Variants in DPPA2 observed in about 807,000 individuals in gnomAD.
DPPA2 encodes the protein developmental pluripotency-associated protein 2.
DPPA2 carries 26 observed loss-of-function variants against 36.2 expected under a neutral mutation model. That is an observed-to-expected ratio of 0.72 (90% CI 0.53 to 1.00). The LOEUF is 1.00. Ranked by LOEUF, DPPA2 falls within the 50% of genes least tolerant of loss-of-function variation. The probability of loss-of-function intolerance (pLI) is 0.00; values close to 1 mark genes in which losing one functional copy is unlikely to be tolerated. For synonymous variants in DPPA2, 113 were observed against 123.2 expected, an observed-to-expected ratio of 0.92 and a Z score of 0.55; for missense variants, 361 against 365.1, an observed-to-expected ratio of 0.99 and a Z score of 0.09.
At chr3:109,309,770 C>A (rs978198968) in intron 3 of DPPA2, among the ~76,000 whole-genome samples, 1 of 148,960 alleles carries the variant, frequency 6.7e-6, no homozygotes, top group Non-Finnish European at 1.5e-5. Context: ...ATTTTTATTT[C>A]TCATATTAAA....
intron 7 of DPPA2, among the ~76,000 whole-genome samples, chr3:109,301,757 AAGAC>A (rs1188339527): frequency 1.3e-5 from 2 of 152,074 alleles, no homozygotes; most frequent in Non-Finnish European, 2.9e-5. Context: ...GAGAAAGAAA[AAGAC>A]AGAGAGAGAC....
chr3:109,315,255 A>G (rs918154370), intron 1 of DPPA2, among the ~76,000 whole-genome samples: 2 of 152,228 alleles, frequency 1.3e-5, no homozygotes, highest in Non-Finnish European at 2.9e-5. Context: ...CAGGTATTTT[A>G]TACCTGATTT....
At chr3:109,316,093 C>T (rs532882145) in intron 1 of DPPA2, among the ~76,000 whole-genome samples, 191 bp downstream of exon 1, 15 of 152,154 alleles carry the variant, frequency 9.9e-5, no homozygotes, top group African/African-American at 3.4e-4. Flanking sequence ...TAGACAGGCT[C>T]TGACGCCCAG....
At chr3:109,306,083 T>A (rs1400595340) in intron 6 of DPPA2, among the ~76,000 whole-genome samples, 1 of 152,164 alleles carries the variant, frequency 6.6e-6, no homozygotes, top group Non-Finnish European at 1.5e-5. Flanking sequence ...TACATATCTG[T>A]AAATAAGCAG....
chr3:109,299,699 A>G (rs570167164), intron 8 of DPPA2, among the ~76,000 whole-genome samples: 2 of 149,686 alleles, frequency 1.3e-5, no homozygotes, highest in South Asian at 4.2e-4. Flanking sequence ...AAAAAAAAAA[A>G]AGAAAAAGAA....
At chr3:109,297,030 T>C (rs1707364475) in intron 8 of DPPA2, among the ~76,000 whole-genome samples, 4 of 152,064 alleles carry the variant, frequency 2.6e-5, no homozygotes, top group Admixed American at 2.6e-4. Context: ...AAGGCTGCAG[T>C]GCGCCATGAT....
At chr3:109,295,785 T>C (rs1456437864) in intron 8 of DPPA2, among the ~76,000 whole-genome samples, 2 of 152,040 alleles carry the variant, frequency 1.3e-5, no homozygotes, top group Non-Finnish European at 2.9e-5. Flanking sequence ...TTGATTAATA[T>C]GCTAAGGGCT....
chr3:109,305,962 T>C (rs982124837), intron 6 of DPPA2, among the ~76,000 whole-genome samples: 5 of 152,112 alleles, frequency 3.3e-5, no homozygotes, highest in Non-Finnish European at 7.4e-5. Flanking sequence ...CAAGTGTCTG[T>C]TTAAAAGTGT....
intron 1 of DPPA2, among the ~76,000 whole-genome samples, 186 bp from the exon 2 acceptor site, chr3:109,314,741 C>T (rs1707761629): frequency 2.0e-5 from 3 of 152,116 alleles, no homozygotes; most frequent in South Asian, 4.1e-4. Context: ...ATTTTATACC[C>T]TGTCTTGTCC....
chr3:109,314,393 T>G, intron 2 of DPPA2, 117 bp downstream of exon 2: 11 of 1,056,460 alleles, frequency 1.0e-5, no homozygotes, highest in African/African-American at 3.2e-5. Flanking sequence ...GGTTTCAAGA[T>G]GGAGATTTCT....
Position 109,308,201 on chromosome 3 carries a change from A to G in DPPA2, c.489T>C (p.Tyr163=), listed in dbSNP as rs760041307. 10 of 1,614,056 alleles carry G rather than the reference A, an allele frequency of 6.2e-6. No homozygotes were observed. The African/African-American group carries it at 9.3e-5, about 15-fold the overall frequency. ...VTKRARLQRS[Y]EMNERAEETN... ...TCTCTTCTGCTCTCTCATTCATCTC[A>G]TAACTTCTCTGAAGCCTTGCTCTCT... Residue 163 remains tyrosine (Y), a synonymous_variant, in exon 6 of 9, where the codon TAT becomes TAC. Transcript: ENST00000478945.
chr3:109,305,947 A>T (rs1707555570), intron 6 of DPPA2, among the ~76,000 whole-genome samples: 1 of 152,148 alleles, frequency 6.6e-6, no homozygotes, highest in Non-Finnish European at 1.5e-5. Context: ...GCTACAGGAA[A>T]CAGACAAGTG....
At position 109,311,556 on chromosome 3, in the gene DPPA2, G is replaced by A. The variant is rs148092464; in HGVS notation, c.181+989C>T. ...GAAGTTTGAGACCAGCCTGGACAACGTGGCAAAACTCCATCTCTATTAAAA... is the reference window on the plus strand; with the variant it reads ...GAAGTTTGAGACCAGCCTGGACAACATGGCAAAACTCCATCTCTATTAAAA... On this transcript the variant is annotated intron_variant, in intron 3 of 8. Coordinates refer to ENST00000478945, the MANE Select transcript of DPPA2 (RefSeq NM_138815.4). Among the ~76,000 whole-genome samples the A allele has an allele frequency of 3.3e-3, 503 of 151,994 alleles. 3 individuals carry two copies. Among genetic ancestry groups the A allele is most frequent in the African/African-American group, 0.011 (459 of 41,454 alleles).
chr3:109,300,257 C>G (rs1207516760), intron 8 of DPPA2, 114 bp downstream of exon 8: 3 of 816,534 alleles, frequency 3.7e-6, no homozygotes, highest in Non-Finnish European at 6.0e-6. Context: ...CATTTATGTC[C>G]TGTTTTTTAG....
At position 109,300,356 on chromosome 3, in the gene DPPA2, A is replaced by C. The variant is rs376778225; in HGVS notation, c.*22+15T>G. 22 of 1,585,180 alleles carry C rather than the reference A, an allele frequency of 1.4e-5. No homozygotes were observed. The South Asian group carries it at 1.9e-4, about 14-fold the overall frequency. ...AATAATACTTATTTTGAGGTGGCATATTCTCATCTCTTACATTGTATTCAA... is the reference window on the plus strand; with the variant it reads ...AATAATACTTATTTTGAGGTGGCATCTTCTCATCTCTTACATTGTATTCAA... On this transcript the variant is annotated intron_variant, in intron 8 of 8. Coordinates refer to ENST00000478945, the MANE Select transcript of DPPA2 (RefSeq NM_138815.4).
At chr3:109,296,527 T>C (rs1207968384) in intron 8 of DPPA2, among the ~76,000 whole-genome samples, 3 of 151,982 alleles carry the variant, frequency 2.0e-5, no homozygotes, top group Non-Finnish European at 4.4e-5. Context: ...ATACAAAAAT[T>C]AGCTGGGTGT....
At position 109,308,039 on chromosome 3, in the gene DPPA2, T is replaced by C. The variant is rs1443258268; in HGVS notation, c.651A>G (p.Gln217=). The C allele has an allele frequency of 6.2e-7, 1 of 1,614,060 alleles. No individual in the cohort carries two copies. Among genetic ancestry groups the C allele is most frequent in the Non-Finnish European group, 8.5e-7 (1 of 1,179,908 alleles). The part of the protein sequence containing the change: ...IPVSVEAFLM[Q]ASGVRWCVVH... The stretch of plus-strand genomic sequence containing the variant: ...CTTTAAGGTTGATCTTACCAGAGGC[T>C]TGCATCAAAAAGGCCTCAACAGAAA... The change falls in exon 6 of 9, where the codon CAA becomes CAG. Residue 217 remains glutamine (Q), a synonymous_variant. Transcript: ENST00000478945.
chr3:109,306,637 A>T (rs1707570409), intron 6 of DPPA2, among the ~76,000 whole-genome samples: 1 of 151,950 alleles, frequency 6.6e-6, no homozygotes, highest in African/African-American at 2.4e-5. Flanking sequence ...GAAGAGCAGG[A>T]GTTGGAGAAA....
At position 109,312,541 on chromosome 3, in the gene DPPA2, A is replaced by G. The variant is rs995188759; in HGVS notation, c.181+4T>C. 6.2e-7 allele frequency: 1 copy of G among 1,611,748 alleles called. No individual in the cohort carries two copies. Among genetic ancestry groups the G allele is most frequent in the Admixed American group, 1.7e-5 (1 of 59,966 alleles). ...AACTAACTGAGCAATCCCTGTCCTC[A>G]TACCTGGATTGTATTTCTTAGGCTT... On this transcript the variant is annotated splice_donor_region_variant and intron_variant, in intron 3 of 8. Coordinates refer to ENST00000478945, the MANE Select transcript of DPPA2 (RefSeq NM_138815.4).
Sources: allele counts gnomAD v4.1 joint callset (sites outside exome capture counted in the v4.1 genomes callset), GRCh38; gene constraint gnomAD v4.1.1; transcripts MANE v1.5; gene names NCBI Gene and HGNC (gene_info 2026-07-23, HGNC 2026-07-21).